TLE4: variants seen among roughly 807,000 people sequenced by gnomAD.
The protein encoded by TLE4 is TLE family member 4, transcriptional corepressor, also known as transducin-like enhancer protein 4.
Under a neutral mutation model 92.8 loss-of-function variants are expected in TLE4, and 8 were observed. The ratio of observed to expected loss-of-function variants is 0.09; its 90% CI spans 0.05 to 0.16. The LOEUF is 0.16. Among genes scored for constraint, TLE4 ranks in the 10% least tolerant of loss-of-function variants. TLE4 has a pLI of 1.00. For synonymous variants in TLE4, 371 were observed against 374.1 expected (o/e 0.99, Z 0.10); for missense variants, 675 against 997.6 (o/e 0.68, Z 4.36).
chr9:79,603,689 A>G (rs1415130402), intron 4 of TLE4, among the ~76,000 whole-genome samples: 1 of 152,170 alleles, frequency 6.6e-6, no homozygotes, highest in Admixed American at 6.5e-5. Flanking sequence ...AACCCACAGT[A>G]TCTCTTGTGT....
rs928313427 is a variant in TLE4 at position 79,706,595 on chromosome 9, T to A, written c.784-152T>A. 3 of 955,594 alleles carry A rather than the reference T, an allele frequency of 3.1e-6. No individual in the cohort carries two copies. In the African/African-American group the frequency reaches 5.0e-5, roughly 16 times the overall value. The allele number at this position is 955,594 out of a possible 1,614,324, so 59.2% of individuals were successfully genotyped here. ...GGGCCCTCAATACTGAATATTTTCG[T>A]TAGTAGTTTCAGTGAGTATTGTTAT... On this transcript the variant is annotated intron_variant, in intron 10 of 19. Coordinates refer to ENST00000376552, the MANE Select transcript of TLE4 (RefSeq NM_007005.6).
At chr9:79,681,004 T>G (rs1024673161) in intron 8 of TLE4, among the ~76,000 whole-genome samples, 1 of 152,174 alleles carries the variant, frequency 6.6e-6, no homozygotes, top group African/African-American at 2.4e-5. Context: ...ATAAGCTTTT[T>G]GATGTGCTGC....
At chr9:79,714,758 T>G (rs1229557134) in intron 14 of TLE4, among the ~76,000 whole-genome samples, 3 of 152,268 alleles carry the variant, frequency 2.0e-5, no homozygotes, top group Middle Eastern at 6.3e-3. Flanking sequence ...TTTTGTATCC[T>G]TAGCATGACG....
intron 4 of TLE4, among the ~76,000 whole-genome samples, chr9:79,594,921 G>A (rs62569286): frequency 0.012 from 1,793 of 152,286 alleles, 12 homozygotes; most frequent in Non-Finnish European, 0.019. Context: ...TTTTAACTCT[G>A]TACTTTAACC....
chr9:79,617,754 G>A (rs887941824), intron 5 of TLE4, among the ~76,000 whole-genome samples: 1 of 151,758 alleles, frequency 6.6e-6, no homozygotes, highest in Non-Finnish European at 1.5e-5. Context: ...TTTTATATGA[G>A]GATTCGTGAC....
chr9:79,649,267 T>TAC (rs1204760886), intron 6 of TLE4, among the ~76,000 whole-genome samples: 7 of 85,650 alleles, frequency 8.2e-5, no homozygotes, highest in African/African-American at 2.7e-4. Context: ...CGGACATACA[T>TAC]ACATACACAC....
intron 12 of TLE4, 87 bp from the exon 13 acceptor site, chr9:79,708,506 T>A: frequency 7.7e-7 from 1 of 1,300,744 alleles, no homozygotes; most frequent in Non-Finnish European, 1.1e-6. Flanking sequence ...ATTTGAACCA[T>A]AGATTCTATT....
At chr9:79,692,217 A>G (rs1212318843) in intron 8 of TLE4, among the ~76,000 whole-genome samples, 3 of 152,222 alleles carry the variant, frequency 2.0e-5, no homozygotes, top group Non-Finnish European at 4.4e-5. Context: ...CACATTTGAC[A>G]TGAATTCTGC....
rs1321302843 is a variant in TLE4, at chr9:79,572,533, GA to G, written c.-257del. On this transcript the variant is annotated 5_prime_UTR_variant, in exon 1 of 20. Coordinates refer to ENST00000376552, the MANE Select transcript of TLE4 (RefSeq NM_007005.6). ...AGCGAACGTCGGAGCGTTGCCTTGG[GA>G]GACGCGCGCCGGACAATGCCCGCGG... The G allele has an allele frequency of 6.1e-6, 1 of 163,218 alleles. No individual in the cohort carries two copies. The highest frequency in any genetic ancestry group is 1.3e-5 in the Non-Finnish European group (1 of 76,072). The allele number at this position is 163,218 out of a possible 1,614,324, so 10.1% of individuals were successfully genotyped here. A position where few individuals can be genotyped will look rare whatever the true frequency, so the allele number is the denominator to read the frequency against.
At chr9:79,670,286 C>T (rs1191472811) in intron 8 of TLE4, among the ~76,000 whole-genome samples, 7 of 151,926 alleles carry the variant, frequency 4.6e-5, no homozygotes, top group Admixed American at 3.3e-4. Flanking sequence ...GAGACTACAC[C>T]GACTTGACTC....
At chr9:79,666,598 G>C (rs1029820822) in intron 8 of TLE4, among the ~76,000 whole-genome samples, 1 of 152,170 alleles carries the variant, frequency 6.6e-6, no homozygotes, top group Non-Finnish European at 1.5e-5. Context: ...TACTAGGCTG[G>C]TAAATAGCCA....
intron 3 of TLE4, 25 bp downstream of exon 3, chr9:79,574,961 A>G (rs374088818): frequency 4.4e-6 from 7 of 1,604,156 alleles, no homozygotes; most frequent in Non-Finnish European, 6.0e-6. Context: ...TCACAGATTC[A>G]AAGTGCCTAT....
In TLE4 at chr9:79,675,954, G is replaced by T. The variant is rs113258450; in HGVS notation, c.609+21879G>T. Among the ~76,000 whole-genome samples the T allele has an allele frequency of 2.6e-5, 4 of 152,080 alleles. No individual in the cohort carries two copies. The East Asian group carries it at 5.8e-4, about 22-fold the overall frequency. On this transcript the variant is annotated intron_variant, in intron 8 of 19. Coordinates refer to ENST00000376552, the MANE Select transcript of TLE4 (RefSeq NM_007005.6). ...TGCGCAATGAACATTTCCCTTGAGCGTCAGGTTGGTGCTCCAAAAGTTTTG... is the reference window on the plus strand; with the variant it reads ...TGCGCAATGAACATTTCCCTTGAGCTTCAGGTTGGTGCTCCAAAAGTTTTG...
intron 5 of TLE4, among the ~76,000 whole-genome samples, chr9:79,619,632 C>T (rs1382630385): frequency 6.6e-6 from 1 of 152,162 alleles, no homozygotes; most frequent in Non-Finnish European, 1.5e-5. Context: ...ATCCCTAAGA[C>T]CATCTTCAGA....
chr9:79,701,994 G>A (rs1156985048), intron 8 of TLE4, among the ~76,000 whole-genome samples: 1 of 152,234 alleles, frequency 6.6e-6, no homozygotes, highest in African/African-American at 2.4e-5. Context: ...CTGCCTGACA[G>A]CATCTGAGGA....
chr9:79,673,257 C>T (rs755361816), intron 8 of TLE4, among the ~76,000 whole-genome samples: 1 of 152,114 alleles, frequency 6.6e-6, no homozygotes, highest in Non-Finnish European at 1.5e-5. Flanking sequence ...TTTATAGTGT[C>T]ACAACATTTG....
At chr9:79,642,673 G>A (rs187408447) in intron 6 of TLE4, among the ~76,000 whole-genome samples, 13 of 152,132 alleles carry the variant, frequency 8.5e-5, no homozygotes, top group Admixed American at 2.6e-4. Flanking sequence ...ATACGCTAAC[G>A]GGATCACTAA....
intron 4 of TLE4, among the ~76,000 whole-genome samples, chr9:79,591,047 A>G (rs988673159): frequency 6.6e-6 from 1 of 152,212 alleles, no homozygotes; most frequent in Non-Finnish European, 1.5e-5. Context: ...GCTAATGTTA[A>G]TTAACCTCAT....
chr9:79,613,454 GCTTA>G (rs948851449), intron 5 of TLE4, among the ~76,000 whole-genome samples: 2 of 151,890 alleles, frequency 1.3e-5, no homozygotes, highest in African/African-American at 4.8e-5. Context: ...TTCTCTCCCT[GCTTA>G]CTTTTGGTAG....
Sources: allele counts gnomAD v4.1 joint callset (sites outside exome capture counted in the v4.1 genomes callset), GRCh38; gene constraint gnomAD v4.1.1; transcripts MANE v1.5; gene names NCBI Gene and HGNC (gene_info 2026-07-23, HGNC 2026-07-21).